CHD7: variants seen among roughly 807,000 people sequenced by gnomAD.
CHD7 encodes the protein ATP-dependent chromatin remodeler CHD7.
In CHD7, 24 loss-of-function variants were observed where a neutral mutation model predicts 307.3. That is an observed-to-expected ratio of 0.08 (90% CI 0.06 to 0.11). The LOEUF is 0.11. Among genes scored for constraint, CHD7 ranks in the 10% least tolerant of loss-of-function variants. CHD7 has a pLI of 1.00. For synonymous variants in CHD7, 1,363 were observed against 1,349.9 expected, an observed-to-expected ratio of 1.01 and a Z score of -0.21; for missense variants, 3,106 against 3,727.1, an observed-to-expected ratio of 0.83 and a Z score of 4.34.
In CHD7 at chr8:60,780,566, C is replaced by T. The variant is rs540045947; in HGVS notation, c.1666-434C>T. ...CTAGAATCTTGCAATGTTCAGTATA[C>T]TTGCTCATTTTAAAAATGGCTAAAT... On this transcript the variant is annotated intron_variant, in intron 2 of 37. Transcript: ENST00000423902. Among the ~76,000 whole-genome samples, 3 of 152,320 alleles carry T rather than the reference C, an allele frequency of 2.0e-5. No homozygotes were observed. The South Asian group carries it at 6.2e-4, about 32-fold the overall frequency.
chr8:60,748,437 A>C (rs1316565540), intron 2 of CHD7, among the ~76,000 whole-genome samples: 1 of 152,188 alleles, frequency 6.6e-6, no homozygotes, highest in Non-Finnish European at 1.5e-5. Context: ...ACTGGAGGGC[A>C]CTAGGAGGTG....
At chr8:60,858,938 G>T (rs919374611) in intron 34 of CHD7, among the ~76,000 whole-genome samples, 1 of 152,192 alleles carries the variant, frequency 6.6e-6, no homozygotes, top group African/African-American at 2.4e-5. Context: ...TCTGGATCAG[G>T]TGTTAGGAAT....
chr8:60,680,693 A>G (rs1257354883), intron 1 of CHD7, among the ~76,000 whole-genome samples: 2 of 152,144 alleles, frequency 1.3e-5, no homozygotes, highest in Non-Finnish European at 2.9e-5. Context: ...GCCTTGGTTT[A>G]AACTAGTTTT....
At chr8:60,731,941 G>C (rs1160019927) in intron 1 of CHD7, among the ~76,000 whole-genome samples, 1 of 152,232 alleles carries the variant, frequency 6.6e-6, no homozygotes, top group Non-Finnish European at 1.5e-5. Flanking sequence ...GGAGCTCCCT[G>C]TGTGGCCCCT....
In CHD7 at chr8:60,735,552, T is replaced by C. The variant is rs563902429; in HGVS notation, c.-174-5707T>C. The stretch of plus-strand genomic sequence containing the variant: ...ATTATTCCTAACATACTGAAAATTA[T>C]TTATGAAGAAATAAGAATATATGTT... On this transcript the variant is annotated intron_variant, in intron 1 of 37. Transcript: ENST00000423902. Among the ~76,000 whole-genome samples the C allele has an allele frequency of 5.9e-5, 9 of 152,328 alleles. No homozygotes were observed. In the South Asian group the frequency reaches 6.2e-4, roughly 11 times the overall value.
At position 60,852,363 on chromosome 8, in the gene CHD7, G is replaced by A. The variant is rs184226684; in HGVS notation, c.5894+116G>A. Reference sequence around the variant, plus strand: ...GGTAGTGACCACCAAAGAAAGGCTCGCTCCAACAAAGCAGTCTGTTTCCCC... The same window carrying A: ...GGTAGTGACCACCAAAGAAAGGCTCACTCCAACAAAGCAGTCTGTTTCCCC... On this transcript the variant is annotated intron_variant, in intron 29 of 37. Coordinates refer to ENST00000423902, the MANE Select transcript of CHD7 (RefSeq NM_017780.4). 2.6e-5 allele frequency: 33 copies of A among 1,286,302 alleles called. No homozygotes were observed. In the African/African-American group the frequency reaches 3.6e-4, roughly 14 times the overall value. The allele number at this position is 1,286,302 out of a possible 1,614,324, so 79.7% of individuals were successfully genotyped here.
intron 1 of CHD7, among the ~76,000 whole-genome samples, chr8:60,726,971 A>G (rs1390999462): frequency 6.6e-6 from 1 of 151,918 alleles, no homozygotes; most frequent in East Asian, 1.9e-4. Flanking sequence ...CTCTGTGCCT[A>G]CTTCTATTAG....
Position 60,717,946 on chromosome 8 carries a change from T to G in CHD7, c.-174-23313T>G, listed in dbSNP as rs1356047425. Among the ~76,000 whole-genome samples the G allele has an allele frequency of 9.6e-5, 13 of 136,100 alleles. No homozygotes were observed. The Admixed American group carries it at 1.0e-3, about 11-fold the overall frequency. 89.3% of individuals were successfully genotyped at this position (136,100 alleles called of 152,430 possible). On this transcript the variant is annotated intron_variant, in intron 1 of 37. Transcript: ENST00000423902. ...TACTTTTTATTGTTATTTTGGAGTA[T>G]ACCCCTTCTACCATTTTTTTTTAAA...
intron 1 of CHD7, among the ~76,000 whole-genome samples, chr8:60,686,029 G>A (rs1410323425): frequency 6.6e-6 from 1 of 152,026 alleles, no homozygotes; most frequent in Non-Finnish European, 1.5e-5. Context: ...TTTAATTAGG[G>A]GTCTGTTTCA....
At chr8:60,755,874 C>T (rs1386118519) in intron 2 of CHD7, among the ~76,000 whole-genome samples, 6 of 151,960 alleles carry the variant, frequency 3.9e-5, no homozygotes, top group African/African-American at 7.3e-5. Flanking sequence ...GAAGGTTTGC[C>T]GTGTTCTTTG....
chr8:60,788,037 G>T (rs1201266452), intron 3 of CHD7, among the ~76,000 whole-genome samples: 3 of 151,668 alleles, frequency 2.0e-5, no homozygotes, highest in African/African-American at 7.3e-5. Context: ...GGCCAGGTTG[G>T]TCTCAAACGC....
At chr8:60,813,327 C>T (rs1812898335) in intron 7 of CHD7, among the ~76,000 whole-genome samples, 6 of 152,094 alleles carry the variant, frequency 3.9e-5, no homozygotes, top group Admixed American at 3.3e-4. Context: ...TCTCCAGGTA[C>T]CTGATCATAT....
At chr8:60,815,848 C>T (rs1803713085) in intron 7 of CHD7, among the ~76,000 whole-genome samples, 1 of 152,140 alleles carries the variant, frequency 6.6e-6, no homozygotes, top group Admixed American at 6.5e-5. Context: ...TTAGGTTTCC[C>T]TTTGGGACCA....
rs1805934118 is a variant in CHD7, at chr8:60,860,814, T to G, written c.7609-90T>G. On this transcript the variant is annotated intron_variant, in intron 34 of 37. Coordinates refer to ENST00000423902, the MANE Select transcript of CHD7 (RefSeq NM_017780.4). The stretch of plus-strand genomic sequence containing the variant: ...ACTATTTTCTCTTTTTGATAAAAGA[T>G]CCATTCTAGGATAGCGTTTTCTTGA... The G allele has an allele frequency of 5.5e-6, 5 of 910,288 alleles. No homozygotes were observed. The African/African-American group carries it at 6.7e-5, about 12-fold the overall frequency. 56.4% of individuals were successfully genotyped at this position (910,288 alleles called of 1,614,324 possible).
intron 2 of CHD7, among the ~76,000 whole-genome samples, chr8:60,761,525 C>T (rs913757676): frequency 5.9e-5 from 9 of 151,728 alleles, no homozygotes; most frequent in African/African-American, 1.9e-4. Flanking sequence ...CCAGTTCCAC[C>T]GTTGCCTTTT....
intron 4 of CHD7, among the ~76,000 whole-genome samples, chr8:60,800,091 C>T (rs112239241): frequency 6.6e-6 from 1 of 151,582 alleles, no homozygotes; most frequent in African/African-American, 2.4e-5. Flanking sequence ...AGTGCAGTGG[C>T]GAAATCTCGG....
chr8:60,855,648 A>G (rs1805666422), intron 32 of CHD7, among the ~76,000 whole-genome samples: 1 of 152,206 alleles, frequency 6.6e-6, no homozygotes, highest in African/African-American at 2.4e-5. Flanking sequence ...GAGCTTGTAC[A>G]AGAGTTACTT....
At chr8:60,735,389 A>T (rs1201257449) in intron 1 of CHD7, among the ~76,000 whole-genome samples, 1 of 152,162 alleles carries the variant, frequency 6.6e-6, no homozygotes, top group Non-Finnish European at 1.5e-5. Flanking sequence ...AGTAATATGA[A>T]TGGAGGTTAC....
intron 4 of CHD7, among the ~76,000 whole-genome samples, chr8:60,799,180 G>T (rs889630482): frequency 1.3e-5 from 2 of 152,172 alleles, no homozygotes; most frequent in Non-Finnish European, 2.9e-5. Flanking sequence ...ATCTTAAATA[G>T]AATCTTAAGC....
Sources: allele counts gnomAD v4.1 joint callset (sites outside exome capture counted in the v4.1 genomes callset), GRCh38; gene constraint gnomAD v4.1.1; transcripts MANE v1.5; gene names NCBI Gene and HGNC (gene_info 2026-07-23, HGNC 2026-07-21).